The following RAVER2 variants were observed in gnomAD, a reference collection of about 807,000 sequenced individuals.
RAVER2 encodes ribonucleoprotein, PTB binding 2.
RAVER2 carries 46 observed loss-of-function variants against 78.1 expected under a neutral mutation model. The ratio of observed to expected loss-of-function variants is 0.59; its 90% CI spans 0.46 to 0.75. The LOEUF (loss-of-function observed/expected upper bound fraction) is 0.75. RAVER2 is among the 30% of genes least tolerant of loss of function. The probability of loss-of-function intolerance (pLI) is 0.00; values close to 1 mark genes in which losing one functional copy is unlikely to be tolerated. For synonymous variants in RAVER2, 311 were observed against 313.3 expected, an observed-to-expected ratio of 0.99 and a Z score of 0.08; for missense variants, 793 against 837.5, an observed-to-expected ratio of 0.95 and a Z score of 0.66.
At chr1:64,816,692 G>T (rs1653764021) in intron 11 of RAVER2, among the ~76,000 whole-genome samples, 1 of 152,166 alleles carries the variant, frequency 6.6e-6, no homozygotes, top group South Asian at 2.1e-4. Context: ...TAGTAAACTG[G>T]CTAGCCATAT....
intron 6 of RAVER2, among the ~76,000 whole-genome samples, chr1:64,803,287 T>C (rs896252883): frequency 6.6e-6 from 1 of 152,158 alleles, no homozygotes; most frequent in African/African-American, 2.4e-5. Flanking sequence ...TTGATTCCAA[T>C]TTGTATGGCA....
chr1:64,791,658 T>C (rs1652944833), intron 5 of RAVER2, among the ~76,000 whole-genome samples: 1 of 152,196 alleles, frequency 6.6e-6, no homozygotes, highest in Non-Finnish European at 1.5e-5. Flanking sequence ...GATATCTCTT[T>C]TACAATTTTA....
exon 3 of RAVER2, chr1:64,777,677 A>C: frequency 6.2e-7 from 1 of 1,613,978 alleles, no homozygotes; most frequent in Non-Finnish European, 8.5e-7. Flanking sequence ...CAGATGTTTC[A>C]TCAATATTCT....
chr1:64,806,041 A>G (rs981364240), intron 8 of RAVER2, among the ~76,000 whole-genome samples: 1 of 152,256 alleles, frequency 6.6e-6, no homozygotes, highest in Non-Finnish European at 1.5e-5. Flanking sequence ...GAACCAAAGT[A>G]TCCATCTCTA....
intron 1 of RAVER2, among the ~76,000 whole-genome samples, chr1:64,760,798 C>A (rs1294324703): frequency 4.6e-5 from 7 of 152,126 alleles, no homozygotes; most frequent in Non-Finnish European, 8.8e-5. Context: ...GCCCCAATTC[C>A]CATTCTAAGA....
chr1:64,791,430 GCTAT>G (rs758570543), intron 5 of RAVER2, among the ~76,000 whole-genome samples: 1 of 152,078 alleles, frequency 6.6e-6, no homozygotes, highest in Non-Finnish European at 1.5e-5. Flanking sequence ...TCATCCTGAA[GCTAT>G]CTATGTGTCC....
At chr1:64,758,503 A>G (rs1360160301) in intron 1 of RAVER2, among the ~76,000 whole-genome samples, 1 of 152,172 alleles carries the variant, frequency 6.6e-6, no homozygotes, top group Non-Finnish European at 1.5e-5. Flanking sequence ...GAAAGACGTG[A>G]TTCGCTGTTT....
chr1:64,811,888 T>C (rs1478537728), intron 9 of RAVER2, among the ~76,000 whole-genome samples: 3 of 152,168 alleles, frequency 2.0e-5, no homozygotes, highest in Non-Finnish European at 2.9e-5. Flanking sequence ...TACATAAAAA[T>C]ATACTGATAT....
chr1:64,830,676 A>G (rs762327338), intron 11 of RAVER2, among the ~76,000 whole-genome samples, 163 bp from the exon 12 acceptor site: 1 of 152,244 alleles, frequency 6.6e-6, no homozygotes, highest in African/African-American at 2.4e-5. Context: ...GAAATTTAAA[A>G]GTCTTATTTA....
chr1:64,810,621 A>T (rs1355195967), intron 9 of RAVER2, among the ~76,000 whole-genome samples: 1 of 152,172 alleles, frequency 6.6e-6, no homozygotes, highest in African/African-American at 2.4e-5. Flanking sequence ...AGCCATCCCA[A>T]TGGGTGTGAA....
chr1:64,830,236 GC>G (rs1267572430), intron 11 of RAVER2, among the ~76,000 whole-genome samples: 1 of 147,412 alleles, frequency 6.8e-6, no homozygotes, highest in Non-Finnish European at 1.6e-5. Context: ...AGGACATGTG[GC>G]CCACTTTCAG....
chr1:64,831,942 T>C (rs1292598941), exon 12 of RAVER2: 1 of 152,176 alleles, frequency 6.6e-6, no homozygotes, highest in Admixed American at 6.5e-5. Context: ...ACAAAGACCA[T>C]ATGGCCTAAA....
At chr1:64,812,457 G>C (rs553884397) in intron 9 of RAVER2, among the ~76,000 whole-genome samples, 6 of 151,516 alleles carry the variant, frequency 4.0e-5, no homozygotes, top group African/African-American at 1.2e-4. Context: ...TATGGAATTT[G>C]GTTTTTCTTG....
chr1:64,755,649 T>C (rs966108932), intron 1 of RAVER2, among the ~76,000 whole-genome samples: 6 of 151,878 alleles, frequency 4.0e-5, no homozygotes, highest in African/African-American at 1.5e-4. Flanking sequence ...CTTTGGATAT[T>C]CTATTACCCT....
intron 2 of RAVER2, among the ~76,000 whole-genome samples, chr1:64,776,272 T>G (rs1034386608): frequency 1.3e-5 from 2 of 152,188 alleles, no homozygotes; most frequent in Admixed American, 6.5e-5. Context: ...AACTAAGAGA[T>G]AGCCTTTTAA....
At chr1:64,782,078 A>G (rs1292404280) in intron 4 of RAVER2, among the ~76,000 whole-genome samples, 1 of 151,992 alleles carries the variant, frequency 6.6e-6, no homozygotes, top group Non-Finnish European at 1.5e-5. Context: ...TAATTGTTGT[A>G]TTTTTAGTAG....
intron 2 of RAVER2, among the ~76,000 whole-genome samples, chr1:64,771,415 ATACT>A (rs891583253): frequency 1.3e-5 from 2 of 152,064 alleles, no homozygotes; most frequent in Non-Finnish European, 2.9e-5. Context: ...ACTATAAGAA[ATACT>A]TAAGGAAGTC....
intron 10 of RAVER2, among the ~76,000 whole-genome samples, chr1:64,813,136 T>C (rs982132744): frequency 5.3e-5 from 8 of 152,198 alleles, no homozygotes; most frequent in Non-Finnish European, 7.3e-5. Context: ...CCAGAATGTA[T>C]GAGCTACCAA....
chr1:64,825,957 C>A (rs1557608614), intron 11 of RAVER2, among the ~76,000 whole-genome samples: 1 of 152,206 alleles, frequency 6.6e-6, no homozygotes, highest in Non-Finnish European at 1.5e-5. Context: ...ATTTGAAATT[C>A]TAACGAGAGG....
Sources: gnomAD v4.1 joint callset for allele counts (sites outside exome capture counted in the v4.1 genomes callset) on GRCh38, gnomAD v4.1.1 for gene constraint, MANE v1.5 for transcripts, NCBI Gene and HGNC (gene_info 2026-07-23, HGNC 2026-07-21) for gene names.